CHEK1: variants seen among roughly 807,000 people sequenced by gnomAD.
CHEK1 encodes serine/threonine-protein kinase Chk1.
CHEK1 carries 32 observed loss-of-function variants against 60.2 expected under a neutral mutation model. That is an observed-to-expected ratio of 0.53 (90% CI 0.40 to 0.71). The LOEUF (loss-of-function observed/expected upper bound fraction) is 0.71, where lower values mean the gene tolerates loss of function less well. Ranked by LOEUF, CHEK1 falls within the 30% of genes least tolerant of loss-of-function variation. The pLI, the probability that CHEK1 is intolerant of heterozygous loss-of-function variation, is 0.00. For synonymous variants in CHEK1, 179 were observed against 187.2 expected (o/e 0.96, Z 0.36); for missense variants, 399 against 564.6 (o/e 0.71, Z 2.97).
At chr11:125,637,049 A>C (rs982202642) in intron 7 of CHEK1, among the ~76,000 whole-genome samples, 1 of 152,188 alleles carries the variant, frequency 6.6e-6, no homozygotes, top group Non-Finnish European at 1.5e-5. Context: ...CTGTCTCTTA[A>C]AAAGTTATTG....
chr11:125,626,577 T>C (rs1591389114), intron 1 of CHEK1, 172 bp from the exon 2 acceptor site: 1 of 588,680 alleles, frequency 1.7e-6, no homozygotes, highest in East Asian at 2.8e-5. Context: ...GACAAAATGG[T>C]CAGGTTTAGA....
At chr11:125,646,134 C>A (rs995559513) in intron 11 of CHEK1, among the ~76,000 whole-genome samples, 1 of 152,132 alleles carries the variant, frequency 6.6e-6, no homozygotes, top group East Asian at 1.9e-4. Flanking sequence ...CCTAGAATCA[C>A]TCTTTATTCC....
chr11:125,645,479 C>T (rs895226328), intron 11 of CHEK1, among the ~76,000 whole-genome samples: 1 of 151,972 alleles, frequency 6.6e-6, no homozygotes, highest in Non-Finnish European at 1.5e-5. Flanking sequence ...ACTAAAGAGG[C>T]CTGATAACTA....
intron 13 of CHEK1, among the ~76,000 whole-genome samples, chr11:125,664,786 ATGTC>A (rs1340858651): frequency 6.6e-6 from 1 of 152,014 alleles, no homozygotes; most frequent in Non-Finnish European, 1.5e-5. Flanking sequence ...ATGTAATACT[ATGTC>A]TGTTTTTGCT....
chr11:125,679,216 C>CTTTTTTTTTTTTTTTTTTTTTTTTTTTTT (rs71045115), downstream of CHEK1, among the ~76,000 whole-genome samples: 7 of 121,026 alleles, frequency 5.8e-5, no homozygotes, highest in African/African-American at 1.3e-4. Context: ...CCGTCTCTTT[C>CTTTTTTTTTTTTTTTTTTTTTTTTTTTTT]TTTTTTTTTT....
At chr11:125,655,156 T>A in intron 12 of CHEK1, 69 bp from the exon 13 acceptor site, 1 of 1,168,992 alleles carries the variant, frequency 8.6e-7, no homozygotes, top group Non-Finnish European at 1.2e-6. Context: ...ACAAAGAGAT[T>A]GATTTTAGGA....
intron 11 of CHEK1, among the ~76,000 whole-genome samples, chr11:125,652,192 GC>G (rs1423275499): frequency 2.6e-5 from 4 of 152,188 alleles, no homozygotes; most frequent in Admixed American, 2.6e-4. Context: ...AACTCATCCA[GC>G]TGTAGTCATT....
chr11:125,636,103 ACTGT>A (rs897436777), intron 7 of CHEK1: 2 of 152,116 alleles, frequency 1.3e-5, no homozygotes, highest in African/African-American at 4.8e-5. Flanking sequence ...ATCTAATGGG[ACTGT>A]CTGTTATACG....
chr11:125,636,109 T>C (rs1230927022), intron 7 of CHEK1: 1 of 152,162 alleles, frequency 6.6e-6, no homozygotes, highest in Non-Finnish European at 1.5e-5. Context: ...TGGGACTGTC[T>C]GTTATACGTG....
At chr11:125,657,187 TTGTGTGTGTGTGTGTGTG>T (rs3831425), downstream of CHEK1, 3 of 147,136 alleles carry the variant, frequency 2.0e-5, no homozygotes, top group Non-Finnish European at 2.9e-5. Context: ...CAACCTATGC[TTGTGTGTGTGTGTGTGTG>T]TGTGTGTGTG....
downstream of CHEK1, chr11:125,676,533 T>C: frequency 6.2e-7 from 1 of 1,605,262 alleles, no homozygotes; most frequent in Non-Finnish European, 8.5e-7. Context: ...ATGTGTAGCC[T>C]TGATTCACAT....
At chr11:125,670,776 A>G (rs1278737532) in intron 13 of CHEK1, among the ~76,000 whole-genome samples, 1 of 152,204 alleles carries the variant, frequency 6.6e-6, no homozygotes, top group East Asian at 1.9e-4. Flanking sequence ...AGTACCCTCC[A>G]GCATAAGCTC....
chr11:125,673,912 A>C (rs530755421), intron 13 of CHEK1, among the ~76,000 whole-genome samples: 1 of 152,230 alleles, frequency 6.6e-6, no homozygotes, highest in Admixed American at 6.5e-5. Flanking sequence ...TAATCCTAGC[A>C]CTTTGGGAGG....
chr11:125,626,547 G>A (rs1289348421), intron 1 of CHEK1: 1 of 569,930 alleles, frequency 1.8e-6, no homozygotes, highest in Non-Finnish European at 3.1e-6. Flanking sequence ...GTGCTTGGGA[G>A]TGGCGATTGT....
At chr11:125,680,734 G>T, downstream of CHEK1, 1 of 1,613,408 alleles carries the variant, frequency 6.2e-7, no homozygotes, top group South Asian at 1.1e-5. Flanking sequence ...CTCACCTCTG[G>T]CAGATCCAAG....
In CHEK1 at chr11:125,627,771, G is replaced by T. The variant is rs758124077; in HGVS notation, c.230G>T (p.Gly77Val). The change falls in exon 3 of 13, where the codon GGC (glycine) becomes GTC (valine). Residue 77 changes from glycine (G) to valine (V), a missense_variant. By Grantham distance (109) the Gly-to-Val change is moderately radical. This residue lies in a region of CHEK1 where 370 missense variants were observed against 494.8 expected (regional missense o/e 0.75). Transcript: ENST00000438015. ...VVKFYGHRREGNIQYLFLEYC... is the reference protein window; with the variant it reads ...VVKFYGHRREVNIQYLFLEYC... ...AAATTCTATGGTCACAGGAGAGAAG[G>T]CAATATCCAATATTTATTTCTGGAG... 1.9e-4 allele frequency: 302 copies of T among 1,612,834 alleles called. 5 individuals carry two copies. The Admixed American group carries it at 5.0e-3, about 27-fold the overall frequency.
chr11:125,660,007 T>C (rs1369500446), downstream of CHEK1, among the ~76,000 whole-genome samples: 1 of 152,218 alleles, frequency 6.6e-6, no homozygotes, highest in African/African-American at 2.4e-5. Flanking sequence ...AGATTCTCCA[T>C]GTTGTAGCAT....
At chr11:125,650,463 T>G (rs1306143636) in intron 11 of CHEK1, among the ~76,000 whole-genome samples, 1 of 150,328 alleles carries the variant, frequency 6.7e-6, no homozygotes, top group South Asian at 2.1e-4. Flanking sequence ...TGTTTGTTTT[T>G]TTTTTTTTTT....
At position 125,635,609 on chromosome 11, in the gene CHEK1, CTTTT is replaced by C. The variant is rs567544596; in HGVS notation, c.718+83_718+86del. 1.2e-3 allele frequency: 959 copies of C among 832,650 alleles called. 8 individuals carry two copies. The African/African-American group carries it at 0.015, about 13-fold the overall frequency. The allele number at this position is 832,650 out of a possible 1,614,324, so 51.6% of individuals were successfully genotyped here. A position where few individuals can be genotyped will look rare whatever the true frequency, so the allele number is the denominator to read the frequency against. On this transcript the variant is annotated intron_variant, in intron 7 of 12. Coordinates refer to ENST00000438015, the MANE Select transcript of CHEK1 (RefSeq NM_001114122.3). The stretch of plus-strand genomic sequence containing the variant: ...CTTGTGCTATTTGAATTTTTTCTTA[CTTTT>C]TTTTTTGTTTTAAACTTACAAATAA...
Sources: gnomAD v4.1 joint callset for allele counts (sites outside exome capture counted in the v4.1 genomes callset) on GRCh38, gnomAD v4.1.1 for gene constraint, gnomAD v4.1.1 regional missense constraint, MANE v1.5 for transcripts, NCBI Gene and HGNC (gene_info 2026-07-23, HGNC 2026-07-21) for gene names.